The following DNAH11 variants were observed in gnomAD, a reference collection of about 807,000 sequenced individuals.
The protein encoded by DNAH11 is axonemal beta dynein heavy chain 11.
In DNAH11, 442 loss-of-function variants were observed where a neutral mutation model predicts 526.0. The observed-to-expected ratio is 0.84, with a 90% CI of 0.78 to 0.91. The LOEUF is 0.91. DNAH11 is among the 40% of genes least tolerant of loss of function. The probability of loss-of-function intolerance (pLI) is 0.00; values close to 1 mark genes in which losing one functional copy is unlikely to be tolerated. For missense variants in DNAH11, 6,989 were observed against 5,448.7 expected (o/e 1.28, Z -8.90); for synonymous variants, 2,461 against 1,935.9 (o/e 1.27, Z -7.12).
Position 21,749,758 on chromosome 7 carries a change from A to C in DNAH11, c.8754A>C (p.Leu2918=). ...TCCTGCTGACAGATGCCCAGGTTCTAGATGAGAGCTTCCTCGTGCTGATTA... is the reference window on the plus strand; with the variant it reads ...TCCTGCTGACAGATGCCCAGGTTCTCGATGAGAGCTTCCTCGTGCTGATTA... The part of the protein sequence containing the change: ...TVFLLTDAQV[L]DESFLVLIND... The change falls in exon 53 of 82, where the codon CTA becomes CTC. Residue 2918 remains leucine (L), a synonymous_variant. Transcript: ENST00000409508. 6.2e-7 allele frequency: 1 copy of C among 1,614,034 alleles called. No homozygotes were observed.
At chr7:21,639,251 C>G (rs947249948) in intron 28 of DNAH11, among the ~76,000 whole-genome samples, 186 bp downstream of exon 28, 1 of 152,182 alleles carries the variant, frequency 6.6e-6, no homozygotes, top group Admixed American at 6.5e-5. Flanking sequence ...GGAAGAATAA[C>G]TGTCTGGTGC....
chr7:21,804,612 G>A (rs181470519), intron 62 of DNAH11, among the ~76,000 whole-genome samples: 2 of 152,120 alleles, frequency 1.3e-5, no homozygotes, highest in East Asian at 1.9e-4. Context: ...AATCACCCTT[G>A]ACTCTGTGTG....
At chr7:21,790,811 G>C (rs1788448194) in intron 61 of DNAH11, among the ~76,000 whole-genome samples, 1 of 152,204 alleles carries the variant, frequency 6.6e-6, no homozygotes, top group African/African-American at 2.4e-5. Flanking sequence ...ATCATGAACA[G>C]GGAAATCATG....
chr7:21,826,872 A>AGTTGTT (rs368614944), intron 65 of DNAH11, among the ~76,000 whole-genome samples: 1 of 151,596 alleles, frequency 6.6e-6, no homozygotes, highest in Non-Finnish European at 1.5e-5. Context: ...TGTTTGGGGG[A>AGTTGTT]GTTGTTGTTG....
rs566320551 is a variant in DNAH11 at position 21,568,398 on chromosome 7, C to G, written c.1195-1671C>G. Among the ~76,000 whole-genome samples the G allele has an allele frequency of 4.6e-5, 7 of 152,220 alleles. No homozygotes were observed. The East Asian group carries it at 1.4e-3, about 29-fold the overall frequency. Reference sequence around the variant, plus strand: ...AAGGGATTTTGAAGTTCACCTAATTCATTTCCCTCATTTTGCAGCTAAGGA... The same window carrying G: ...AAGGGATTTTGAAGTTCACCTAATTGATTTCCCTCATTTTGCAGCTAAGGA... On this transcript the variant is annotated intron_variant, in intron 6 of 81. Coordinates refer to ENST00000409508, the MANE Select transcript of DNAH11 (RefSeq NM_001277115.2).
chr7:21,764,276 A>C (rs1230988016), intron 54 of DNAH11, among the ~76,000 whole-genome samples: 6 of 101,308 alleles, frequency 5.9e-5, no homozygotes, highest in Non-Finnish European at 1.5e-4. Flanking sequence ...ACAATAAAAC[A>C]CTTGTTAAAT....
At chr7:21,626,780 C>G (rs1294829217) in intron 25 of DNAH11, among the ~76,000 whole-genome samples, 3 of 120,650 alleles carry the variant, frequency 2.5e-5, no homozygotes, top group African/African-American at 6.5e-5. Flanking sequence ...GAGGCGGAGT[C>G]TCATCTGTCA....
chr7:21,631,253 C>A (rs1786591649), intron 25 of DNAH11, among the ~76,000 whole-genome samples: 1 of 152,182 alleles, frequency 6.6e-6, no homozygotes. Flanking sequence ...GTCCTTCTCA[C>A]AAAACATGGG....
At chr7:21,684,985 A>G (rs2128473358) in intron 32 of DNAH11, among the ~76,000 whole-genome samples, 1 of 152,328 alleles carries the variant, frequency 6.6e-6, no homozygotes, top group Middle Eastern at 3.4e-3. Context: ...ATAAGTCTAT[A>G]AAGCTGGTTT....
intron 79 of DNAH11, among the ~76,000 whole-genome samples, chr7:21,897,510 T>C (rs573387666): frequency 6.6e-6 from 1 of 152,368 alleles, no homozygotes; most frequent in South Asian, 2.1e-4. Context: ...GTTCATATTA[T>C]TCTTTATATT....
Position 21,880,745 on chromosome 7 carries a change from T to G in DNAH11, c.12239T>G (p.Ile4080Ser). The G allele has an allele frequency of 6.2e-7, 1 of 1,613,982 alleles. No homozygotes were observed. The highest frequency in any genetic ancestry group is 8.5e-7 in the Non-Finnish European group (1 of 1,179,894). The part of the protein sequence containing the change: ...ICSKEQEFKS[I>S]LFSLCYFHAC... Reference sequence around the variant, plus strand: ...TCCAAGGAGCAGGAGTTTAAAAGCATCCTTTTTTCTCTCTGCTACTTCCAC... The same window carrying G: ...TCCAAGGAGCAGGAGTTTAAAAGCAGCCTTTTTTCTCTCTGCTACTTCCAC... Residue 4080 changes from isoleucine to serine, a missense_variant, in exon 75 of 82, where the codon ATC becomes AGC. Coordinates refer to ENST00000409508, the MANE Select transcript of DNAH11 (RefSeq NM_001277115.2).
At chr7:21,780,867 C>G (rs1280317612) in intron 57 of DNAH11, among the ~76,000 whole-genome samples, 1 of 152,138 alleles carries the variant, frequency 6.6e-6, no homozygotes, top group Non-Finnish European at 1.5e-5. Flanking sequence ...AAGCAGGGGT[C>G]TCTCATGTAG....
At chr7:21,857,149 A>G (rs1228042456) in intron 68 of DNAH11, among the ~76,000 whole-genome samples, 2 of 152,252 alleles carry the variant, frequency 1.3e-5, no homozygotes, top group Non-Finnish European at 1.5e-5. Context: ...TTGATATACA[A>G]TGTACCTTGT....
intron 2 of DNAH11, among the ~76,000 whole-genome samples, chr7:21,553,580 A>G (rs1008637271): frequency 1.3e-5 from 2 of 152,206 alleles, no homozygotes; most frequent in Non-Finnish European, 2.9e-5. Flanking sequence ...CACAGTCTTC[A>G]TCAACGGTCA....
At chr7:21,579,840 G>A (rs544833624) in intron 8 of DNAH11, among the ~76,000 whole-genome samples, 31 of 152,284 alleles carry the variant, frequency 2.0e-4, no homozygotes, top group African/African-American at 7.2e-4. Context: ...GACTAGAGGC[G>A]AAGAGTAGTT....
Position 21,742,044 on chromosome 7 carries a change from A to C in DNAH11, c.8032A>C (p.Ser2678Arg), listed in dbSNP as rs371699498. 1 of 1,613,922 alleles carries C rather than the reference A, an allele frequency of 6.2e-7. No individual in the cohort carries two copies. Among genetic ancestry groups the C allele is most frequent in the African/African-American group, 1.3e-5 (1 of 75,016 alleles). The change falls in exon 49 of 82, where the codon AGT (serine) becomes CGT (arginine). Residue 2678 changes from serine to arginine, a missense_variant. Coordinates refer to ENST00000409508, the MANE Select transcript of DNAH11 (RefSeq NM_001277115.2). ...QQAFAPSILR[S>R]GPTLIQATIA... ...AGCATTTGCTCCATCAATTCTCAGG[A>C]GTGGCCCCACTTTGATCCAGGCAAC...
intron 38 of DNAH11, 59 bp from the exon 39 acceptor site, chr7:21,705,401 A>C: frequency 6.3e-7 from 1 of 1,575,226 alleles, no homozygotes; most frequent in Non-Finnish European, 8.7e-7. Flanking sequence ...AAAATGGTAG[A>C]TTATCTTTTT....
At chr7:21,831,921 C>G (rs1002954453) in intron 65 of DNAH11, among the ~76,000 whole-genome samples, 2 of 151,988 alleles carry the variant, frequency 1.3e-5, no homozygotes, top group African/African-American at 4.8e-5. Flanking sequence ...GAAACCCCAT[C>G]TCTACTAAAA....
chr7:21,801,257 G>A lies in DNAH11; in HGVS notation c.10147G>A (p.Val3383Ile), dbSNP rs540654085. The A allele has an allele frequency of 2.5e-6, 4 of 1,613,882 alleles. No homozygotes were observed. The highest frequency in any genetic ancestry group is 1.3e-5 in the African/African-American group (1 of 75,056). ...AACCATCAAATTAGCTAACAGACTT[G>A]TCAAGGAACTTGAGGCAAGTTAAAC... Reference protein sequence around the residue: ...NKTIKLANRLVKELEAKKIRW... With the variant: ...NKTIKLANRLIKELEAKKIRW... Residue 3383 changes from valine to isoleucine, a missense_variant, in exon 62 of 82, where the codon GTC becomes ATC. Physicochemically the swap from Val to Ile is conservative, Grantham distance 29. Transcript: ENST00000409508.
Sources: gnomAD v4.1 joint callset for allele counts (sites outside exome capture counted in the v4.1 genomes callset) on GRCh38, gnomAD v4.1.1 for gene constraint, MANE v1.5 for transcripts, NCBI Gene and HGNC (gene_info 2026-07-23, HGNC 2026-07-21) for gene names.